Variants in SLC35A3 observed in about 807,000 individuals in gnomAD.
SLC35A3 encodes UDP-N-acetylglucosamine transporter.
In SLC35A3, 26 loss-of-function variants were observed where a neutral mutation model predicts 39.0. The observed-to-expected ratio is 0.67, with a 90% CI of 0.49 to 0.92. The LOEUF is 0.92. Among genes scored for constraint, SLC35A3 ranks in the 40% least tolerant of loss-of-function variants. The probability of loss-of-function intolerance (pLI) is 0.00; values close to 1 mark genes in which losing one functional copy is unlikely to be tolerated. For missense variants in SLC35A3, 299 were observed against 371.6 expected (o/e 0.80, Z 1.61); for synonymous variants, 135 against 133.1 (o/e 1.01, Z -0.10).
In SLC35A3 at chr1:99,997,410, TTATATATATATATA is replaced by T. The variant is rs71970416; in HGVS notation, c.188-1817_188-1804del. Among the ~76,000 whole-genome samples, 263 of 92,092 alleles carry T rather than the reference TTATATATATATATA, an allele frequency of 2.9e-3. 7 individuals are homozygous for T. The East Asian group carries it at 0.041, about 14-fold the overall frequency. 60.4% of individuals were successfully genotyped at this position (92,092 alleles called of 152,430 possible). A position where few individuals can be genotyped will look rare whatever the true frequency, so the allele number is the denominator to read the frequency against. On this transcript the variant is annotated intron_variant, in intron 2 of 7. Transcript: ENST00000533028. The stretch of plus-strand genomic sequence containing the variant: ...ACAGTTATATGTTTTATATATAGTT[TTATATATATATATA>T]TATATATATATATATATATATATAT...
chr1:99,996,788 T>G (rs1352665230), intron 2 of SLC35A3, among the ~76,000 whole-genome samples: 2 of 152,212 alleles, frequency 1.3e-5, no homozygotes, highest in East Asian at 3.9e-4. Flanking sequence ...TTTTGGTAAC[T>G]TTTATCTTAG....
intron 2 of SLC35A3, among the ~76,000 whole-genome samples, chr1:99,994,938 C>G (rs1032228329): frequency 1.3e-5 from 2 of 152,242 alleles, no homozygotes; most frequent in African/African-American, 4.8e-5. Context: ...TATGAAGGTT[C>G]CTGTTTCTTC....
intron 1 of SLC35A3, among the ~76,000 whole-genome samples, chr1:99,983,784 G>A (rs1190495595): frequency 2.0e-5 from 3 of 151,716 alleles, no homozygotes; most frequent in Non-Finnish European, 2.9e-5. Flanking sequence ...CACCACGCCT[G>A]GCTAATTTTT....
At chr1:99,987,650 C>G (rs1657826452) in intron 1 of SLC35A3, among the ~76,000 whole-genome samples, 1 of 152,064 alleles carries the variant, frequency 6.6e-6, no homozygotes, top group Non-Finnish European at 1.5e-5. Context: ...ATTGTTGAAT[C>G]TCTTTGAATA....
rs1040391583 is a variant in SLC35A3 at position 100,027,842 on chromosome 1, T to G, written c.*5366T>G. On this transcript the variant is annotated 3_prime_UTR_variant, in exon 8 of 8. Transcript: ENST00000533028. The stretch of plus-strand genomic sequence containing the variant: ...ACTAAAAATATTTAATAATCTTTTT[T>G]GTATTACAGTGCTTCTTTTGTTGGA... 1.3e-5 allele frequency: 2 copies of G among 152,142 alleles called. No individual in the cohort carries two copies. Among genetic ancestry groups the G allele is most frequent in the African/African-American group, 4.8e-5 (2 of 41,454 alleles). 9.4% of individuals were successfully genotyped at this position (152,142 alleles called of 1,614,324 possible). A position where few individuals can be genotyped will look rare whatever the true frequency, so the allele number is the denominator to read the frequency against.
In SLC35A3 at chr1:100,024,895, A is replaced by G. The variant is rs1196595805; in HGVS notation, c.*2419A>G. 2.8e-6 allele frequency: 1 copy of G among 363,042 alleles called. No homozygotes were observed. Among genetic ancestry groups the G allele is most frequent in the Non-Finnish European group, 4.9e-6 (1 of 204,242 alleles). 22.5% of individuals were successfully genotyped at this position (363,042 alleles called of 1,614,324 possible). On this transcript the variant is annotated 3_prime_UTR_variant, in exon 8 of 8. Transcript: ENST00000533028. The stretch of plus-strand genomic sequence containing the variant: ...TAAACAGAATTGGCTCAAAAATACT[A>G]TGTTACAGACTGTTGGGTACCCTTG...
At chr1:100,001,127 G>GTTCT (rs1259636375) in intron 3 of SLC35A3, among the ~76,000 whole-genome samples, 1 of 151,986 alleles carries the variant, frequency 6.6e-6, no homozygotes, top group Non-Finnish European at 1.5e-5. Context: ...AGTATATTTG[G>GTTCT]AAGTCATAGT....
chr1:99,996,619 T>C (rs1191119906), intron 2 of SLC35A3, among the ~76,000 whole-genome samples: 1 of 152,200 alleles, frequency 6.6e-6, no homozygotes, highest in African/African-American at 2.4e-5. Flanking sequence ...ACACCTATAG[T>C]CCCAGTTACT....
Position 100,027,440 on chromosome 1 carries a change from ACT to A in SLC35A3, c.*4967_*4968del, listed in dbSNP as rs1660985920. 2.7e-6 allele frequency: 1 copy of A among 367,978 alleles called. No homozygotes were observed. Among genetic ancestry groups the A allele is most frequent in the Non-Finnish European group, 4.8e-6 (1 of 207,162 alleles). 22.8% of individuals were successfully genotyped at this position (367,978 alleles called of 1,614,324 possible). A position where few individuals can be genotyped will look rare whatever the true frequency, so the allele number is the denominator to read the frequency against. ...GGACTCTAGCCTGAGTGACAGTGAG[ACT>A]CTGTCTCAAAAAACAAACAAAACAA... On this transcript the variant is annotated 3_prime_UTR_variant, in exon 8 of 8. Transcript: ENST00000533028.
chr1:100,035,275 G>A lies in SLC35A3; in HGVS notation c.*12799G>A, dbSNP rs1661439554. On this transcript the variant is annotated 3_prime_UTR_variant, in exon 8 of 8. Transcript: ENST00000533028. ...TTACTTGTATTTTTGTTGTTTTGTGGGATTTAAAAAATATTTTTATTCTGA... is the reference window on the plus strand; with the variant it reads ...TTACTTGTATTTTTGTTGTTTTGTGAGATTTAAAAAATATTTTTATTCTGA... The A allele has an allele frequency of 6.6e-6, 1 of 151,952 alleles. No individual in the cohort carries two copies. The highest frequency in any genetic ancestry group is 2.4e-5 in the African/African-American group (1 of 41,348). The allele number at this position is 151,952 out of a possible 1,614,324, so 9.4% of individuals were successfully genotyped here.
At chr1:100,016,940 G>A (rs752714734) in intron 6 of SLC35A3, among the ~76,000 whole-genome samples, 1 of 152,146 alleles carries the variant, frequency 6.6e-6, no homozygotes, top group Non-Finnish European at 1.5e-5. Context: ...GAAATACTGG[G>A]ACTGAAACAT....
chr1:99,986,287 C>T (rs1048798898), intron 1 of SLC35A3, among the ~76,000 whole-genome samples: 29 of 151,636 alleles, frequency 1.9e-4, no homozygotes, highest in Middle Eastern at 6.8e-3. Flanking sequence ...ACTTCAGCCT[C>T]CTGAGTAGCT....
In SLC35A3 at chr1:100,035,569, C is replaced by G. The variant is rs1661452108; in HGVS notation, c.*13093C>G. ...ACTGTGTCCCCCACTAGAATGTAAG[C>G]TCTGTGCAGATAGTGTCTCATTTAT... On this transcript the variant is annotated 3_prime_UTR_variant, in exon 8 of 8. Transcript: ENST00000533028. 1 of 152,218 alleles carries G rather than the reference C, an allele frequency of 6.6e-6. No homozygotes were observed. Among genetic ancestry groups the G allele is most frequent in the South Asian group, 2.1e-4 (1 of 4,834 alleles). The allele number at this position is 152,218 out of a possible 1,614,324, so 9.4% of individuals were successfully genotyped here. A position where few individuals can be genotyped will look rare whatever the true frequency, so the allele number is the denominator to read the frequency against.
At chr1:99,977,080 A>G (rs1278146705) in intron 1 of SLC35A3, among the ~76,000 whole-genome samples, 2 of 152,238 alleles carry the variant, frequency 1.3e-5, no homozygotes, top group Non-Finnish European at 2.9e-5. Flanking sequence ...ATTTTTAAAA[A>G]TCATTTATGA....
chr1:100,021,399 G>A (rs2101491910), intron 7 of SLC35A3, among the ~76,000 whole-genome samples: 1 of 152,074 alleles, frequency 6.6e-6, no homozygotes, highest in South Asian at 2.1e-4. Flanking sequence ...GATTCAGGCT[G>A]GTCACAGTGG....
chr1:100,015,576 C>G (rs1660041852), intron 6 of SLC35A3, 156 bp downstream of exon 6: 4 of 736,422 alleles, frequency 5.4e-6, no homozygotes, highest in Admixed American at 4.1e-5. Context: ...TAGAAGTGAT[C>G]TTAATGCTGT....
At chr1:99,972,368 T>C (rs1025821022) in intron 1 of SLC35A3, among the ~76,000 whole-genome samples, 1 of 149,592 alleles carries the variant, frequency 6.7e-6, no homozygotes, top group Admixed American at 6.7e-5. Flanking sequence ...AGTCTTGCTC[T>C]GTCACGCAGG....
rs2101543243 is a variant in SLC35A3 at position 100,029,091 on chromosome 1, G to A, written c.*6615G>A. ...GGTGTCCAGATTTTTATTGAGAGAGGCTCTATTAGTTGGCATGGTTGGTTG... is the reference window on the plus strand; with the variant it reads ...GGTGTCCAGATTTTTATTGAGAGAGACTCTATTAGTTGGCATGGTTGGTTG... On this transcript the variant is annotated 3_prime_UTR_variant, in exon 8 of 8. Transcript: ENST00000533028. The A allele has an allele frequency of 6.6e-6, 1 of 152,252 alleles. No homozygotes were observed. Among genetic ancestry groups the A allele is most frequent in the East Asian group, 1.9e-4 (1 of 5,170 alleles). The allele number at this position is 152,252 out of a possible 1,614,324, so 9.4% of individuals were successfully genotyped here. A position where few individuals can be genotyped will look rare whatever the true frequency, so the allele number is the denominator to read the frequency against.
Position 100,028,004 on chromosome 1 carries a change from G to A in SLC35A3, c.*5528G>A, listed in dbSNP as rs961247739. The A allele has an allele frequency of 7.1e-6, 1 of 140,156 alleles. No individual in the cohort carries two copies. Among genetic ancestry groups the A allele is most frequent in the Non-Finnish European group, 1.5e-5 (1 of 66,296 alleles). The allele number at this position is 140,156 out of a possible 1,614,324, so 8.7% of individuals were successfully genotyped here. Reference sequence around the variant, plus strand: ...TCGCTCTGTCACCTAGGCTGCAGTGGTGTGACCTCACTGCAACCTCTGCCT... The same window carrying A: ...TCGCTCTGTCACCTAGGCTGCAGTGATGTGACCTCACTGCAACCTCTGCCT... On this transcript the variant is annotated 3_prime_UTR_variant, in exon 8 of 8. Coordinates refer to ENST00000533028, the MANE Select transcript of SLC35A3 (RefSeq NM_012243.3).
Sources: gnomAD v4.1 joint callset for allele counts (sites outside exome capture counted in the v4.1 genomes callset) on GRCh38, gnomAD v4.1.1 for gene constraint, MANE v1.5 for transcripts, NCBI Gene and HGNC (gene_info 2026-07-23, HGNC 2026-07-21) for gene names.